Variants in WDR7 observed in about 807,000 individuals in gnomAD.
The protein encoded by WDR7 is WD repeat domain 7.
WDR7 carries 46 observed loss-of-function variants against 169.4 expected under a neutral mutation model. That is an observed-to-expected ratio of 0.27 (90% CI 0.21 to 0.35). The LOEUF (loss-of-function observed/expected upper bound fraction) is 0.35. Among genes scored for constraint, WDR7 ranks in the 10% least tolerant of loss-of-function variants. The pLI, the probability that WDR7 is intolerant of heterozygous loss-of-function variation, is 1.00. For synonymous variants in WDR7, 612 were observed against 666.8 expected (o/e 0.92, Z 1.27); for missense variants, 1,534 against 1,859.3 (o/e 0.83, Z 3.22).
chr18:56,947,989 T>C (rs1021320473), intron 25 of WDR7, among the ~76,000 whole-genome samples: 4 of 152,190 alleles, frequency 2.6e-5, no homozygotes, highest in African/African-American at 9.7e-5. Context: ...GATTGTATTA[T>C]GATCTTGAGG....
chr18:57,005,889 G>A (rs1282819058), intron 26 of WDR7, among the ~76,000 whole-genome samples: 3 of 152,148 alleles, frequency 2.0e-5, no homozygotes, highest in African/African-American at 4.8e-5. Context: ...ATCCTGGGCC[G>A]CATGTGGCCC....
At chr18:56,843,857 C>CTTTTTTTT (rs776575088) in intron 20 of WDR7, among the ~76,000 whole-genome samples, 21 of 134,324 alleles carry the variant, frequency 1.6e-4, no homozygotes, top group South Asian at 2.3e-4. Flanking sequence ...TTTTTTCTTT[C>CTTTTTTTT]TTTTTTTTTT....
chr18:56,714,873 GT>G (rs1341783911), intron 12 of WDR7, among the ~76,000 whole-genome samples: 14 of 151,442 alleles, frequency 9.2e-5, no homozygotes. Flanking sequence ...GAATCTTGGT[GT>G]TAAAGCTCTT....
chr18:56,866,513 G>C (rs1383565513), intron 20 of WDR7, among the ~76,000 whole-genome samples: 1 of 151,812 alleles, frequency 6.6e-6, no homozygotes, highest in East Asian at 1.9e-4. Context: ...TATTTCGAAA[G>C]ATTTTTTTTC....
intron 20 of WDR7, among the ~76,000 whole-genome samples, chr18:56,841,669 G>A (rs2045488675): frequency 1.3e-5 from 2 of 152,060 alleles, no homozygotes; most frequent in African/African-American, 4.8e-5. Flanking sequence ...TAACTCTGTT[G>A]AATTACTATT....
intron 21 of WDR7, among the ~76,000 whole-genome samples, chr18:56,906,953 G>T (rs2046486692): frequency 6.6e-6 from 1 of 152,192 alleles, no homozygotes; most frequent in Non-Finnish European, 1.5e-5. Context: ...ACTGTGTTCT[G>T]CATCTCTAGG....
chr18:56,965,150 G>A (rs943270144), intron 26 of WDR7, among the ~76,000 whole-genome samples: 1 of 152,082 alleles, frequency 6.6e-6, no homozygotes, highest in Non-Finnish European at 1.5e-5. Flanking sequence ...AAGACACAGC[G>A]ATATCACATA....
At chr18:56,681,518 T>C (rs1598957462) in intron 4 of WDR7, 127 bp downstream of exon 4, 10 of 566,798 alleles carry the variant, frequency 1.8e-5, no homozygotes, top group East Asian at 1.1e-4. Flanking sequence ...ACAAGAAAAC[T>C]AGAATTGAAG....
intron 21 of WDR7, among the ~76,000 whole-genome samples, chr18:56,899,576 T>C (rs541398721): frequency 6.6e-6 from 1 of 152,218 alleles, no homozygotes; most frequent in East Asian, 1.9e-4. Context: ...TTTCAGAGTG[T>C]TTTTCTTCTG....
At chr18:56,732,791 G>A (rs1180397986) in intron 14 of WDR7, among the ~76,000 whole-genome samples, 1 of 152,148 alleles carries the variant, frequency 6.6e-6, no homozygotes, top group Non-Finnish European at 1.5e-5. Context: ...AAGGAATCTT[G>A]TAGCTGTCTC....
chr18:56,726,635 A>G (rs533374318), intron 13 of WDR7, among the ~76,000 whole-genome samples: 1 of 152,010 alleles, frequency 6.6e-6, no homozygotes, highest in African/African-American at 2.4e-5. Context: ...CTAATTGAAT[A>G]CCCTTTATTT....
chr18:56,775,481 A>G (rs897640872), intron 16 of WDR7, among the ~76,000 whole-genome samples: 2 of 152,146 alleles, frequency 1.3e-5, no homozygotes, highest in African/African-American at 4.8e-5. Flanking sequence ...ATTACTTTGT[A>G]ATGGAGTTTG....
At chr18:56,677,437 C>T (rs1189231424) in intron 2 of WDR7, among the ~76,000 whole-genome samples, 1 of 152,168 alleles carries the variant, frequency 6.6e-6, no homozygotes, top group African/African-American at 2.4e-5. Flanking sequence ...GCAACCTCTG[C>T]CTCCTGGGTT....
chr18:57,033,922 G>T (rs2048455052), downstream of WDR7: 1 of 152,228 alleles, frequency 6.6e-6, no homozygotes, highest in Admixed American at 6.5e-5. Flanking sequence ...GTGAGGCGGG[G>T]AGGATCACTT....
intron 21 of WDR7, among the ~76,000 whole-genome samples, chr18:56,895,906 A>G (rs2046326749): frequency 6.6e-6 from 1 of 151,842 alleles, no homozygotes; most frequent in Non-Finnish European, 1.5e-5. Flanking sequence ...TATAATAACT[A>G]GGCCAAATTA....
At chr18:56,758,388 G>A (rs958007756) in intron 15 of WDR7, among the ~76,000 whole-genome samples, 66 of 152,256 alleles carry the variant, frequency 4.3e-4, no homozygotes, top group African/African-American at 1.5e-3. Flanking sequence ...ATGATGTAAC[G>A]TGCCCAAGGT....
chr18:57,009,836 A>G (rs746471194), intron 26 of WDR7: 380 of 985,232 alleles, frequency 3.9e-4, no homozygotes, highest in Non-Finnish European at 4.4e-4. Context: ...TTGTGTCACC[A>G]GGCACTATAC....
At chr18:56,729,886 C>T (rs374424201) in intron 13 of WDR7, among the ~76,000 whole-genome samples, 16 of 152,180 alleles carry the variant, frequency 1.1e-4, no homozygotes, top group South Asian at 4.1e-4. Context: ...AATATCTGTA[C>T]GGTAAGATAT....
chr18:56,749,189 A>G (rs1466088475), intron 14 of WDR7, among the ~76,000 whole-genome samples: 1 of 152,086 alleles, frequency 6.6e-6, no homozygotes, highest in East Asian at 1.9e-4. Flanking sequence ...ATTATAAAAT[A>G]TTTAATTTAT....
Sources: gnomAD v4.1 joint callset for allele counts (sites outside exome capture counted in the v4.1 genomes callset) on GRCh38, gnomAD v4.1.1 for gene constraint, MANE v1.5 for transcripts, NCBI Gene and HGNC (gene_info 2026-07-23, HGNC 2026-07-21) for gene names.